EHMT1: variants seen among roughly 807,000 people sequenced by gnomAD.
EHMT1 encodes histone-lysine N-methyltransferase EHMT1.
In EHMT1, 15 loss-of-function variants were observed where a neutral mutation model predicts 147.2. The ratio of observed to expected loss-of-function variants is 0.10; its 90% CI spans 0.07 to 0.16. The LOEUF is 0.16. EHMT1 is among the 10% of genes least tolerant of loss of function. The pLI, the probability that EHMT1 is intolerant of heterozygous loss-of-function variation, is 1.00. For missense variants in EHMT1, 1,587 were observed against 1,772.4 expected (o/e 0.90, Z 1.88); for synonymous variants, 795 against 709.6 (o/e 1.12, Z -1.91).
chr9:137,622,194 C>T (rs1842980518), intron 1 of EHMT1, among the ~76,000 whole-genome samples: 2 of 147,268 alleles, frequency 1.4e-5, no homozygotes, highest in African/African-American at 5.0e-5. Flanking sequence ...TCTTGGCTCA[C>T]TGCAGCCTCC....
intron 4 of EHMT1, among the ~76,000 whole-genome samples, chr9:137,730,736 C>T (rs1185100899): frequency 1.3e-5 from 2 of 152,244 alleles, no homozygotes; most frequent in South Asian, 2.1e-4. Context: ...AGTCCTGGGG[C>T]GTGGGCACCT....
intron 16 of EHMT1, chr9:137,792,227 A>G (rs960695926): frequency 7.9e-6 from 3 of 379,926 alleles, no homozygotes; most frequent in African/African-American, 4.3e-5. Flanking sequence ...ATAGAGACCA[A>G]TGGAATAAAA....
intron 1 of EHMT1, among the ~76,000 whole-genome samples, chr9:137,662,377 T>C (rs1361902061): frequency 6.6e-6 from 1 of 152,132 alleles, no homozygotes; most frequent in Non-Finnish European, 1.5e-5. Flanking sequence ...TTTGTATTTT[T>C]TGTAGAGATG....
intron 6 of EHMT1, chr9:137,745,394 T>G (rs911242368): frequency 1.3e-5 from 5 of 396,194 alleles, no homozygotes. Flanking sequence ...GTTGGAAATA[T>G]TACCATTAGA....
chr9:137,822,227 CTGT>C (rs1955473338), intron 25 of EHMT1, among the ~76,000 whole-genome samples: 1 of 152,228 alleles, frequency 6.6e-6, no homozygotes, highest in East Asian at 1.9e-4. Context: ...TTGTTCCTTT[CTGT>C]TGTTGGACGG....
chr9:137,635,682 T>C (rs570366739), intron 1 of EHMT1, among the ~76,000 whole-genome samples: 48 of 150,850 alleles, frequency 3.2e-4, no homozygotes, highest in Middle Eastern at 6.8e-3. Flanking sequence ...TAGTGGGACG[T>C]GGTGGCGGGC....
intron 1 of EHMT1, among the ~76,000 whole-genome samples, chr9:137,633,253 C>G (rs1843742737): frequency 6.6e-6 from 1 of 151,750 alleles, no homozygotes; most frequent in Non-Finnish European, 1.5e-5. Context: ...ACTCATGCAC[C>G]AAGAAGCAAA....
At chr9:137,669,409 G>A (rs1269657209) in intron 1 of EHMT1, among the ~76,000 whole-genome samples, 1 of 143,922 alleles carries the variant, frequency 6.9e-6, no homozygotes, top group Non-Finnish European at 1.5e-5. Flanking sequence ...CACAGCACGT[G>A]CACTCCACGA....
At chr9:137,632,094 G>C (rs1465735272) in intron 1 of EHMT1, among the ~76,000 whole-genome samples, 2 of 152,230 alleles carry the variant, frequency 1.3e-5, no homozygotes, top group Non-Finnish European at 2.9e-5. Flanking sequence ...TAGGTTTGCA[G>C]AAGTGCACTC....
intron 10 of EHMT1, among the ~76,000 whole-genome samples, chr9:137,768,347 G>GTTTTTT (rs768762232): frequency 4.8e-4 from 44 of 92,512 alleles, no homozygotes; most frequent in African/African-American, 5.3e-4. Context: ...TTTTCTGTGT[G>GTTTTTT]TTTTTTTTTT....
chr9:137,716,505 G>GGTGGTGTCATGGTGGGGGGAGGAAGTT, intron 2 of EHMT1, 121 bp from the exon 3 acceptor site: 3 of 362,532 alleles, frequency 8.3e-6, no homozygotes, highest in Non-Finnish European at 1.5e-5. Context: ...AGGAAGTTGT[G>GGTGGTGTCATGGTGGGGGGAGGAAGTT]GTGGTGTCAT....
At chr9:137,668,895 T>G (rs1043705277) in intron 1 of EHMT1, among the ~76,000 whole-genome samples, 2 of 148,378 alleles carry the variant, frequency 1.3e-5, no homozygotes, top group African/African-American at 4.9e-5. Flanking sequence ...CAAGTTGTTT[T>G]CTTTTTTTGG....
chr9:137,830,868 T>G (rs1956141753), intron 25 of EHMT1, among the ~76,000 whole-genome samples: 1 of 152,238 alleles, frequency 6.6e-6, no homozygotes, highest in Non-Finnish European at 1.5e-5. Flanking sequence ...GTTCTCTGTA[T>G]TCTGTTTCCT....
At chr9:137,762,918 C>T (rs1344269662) in intron 10 of EHMT1, 98 bp downstream of exon 10, 13 of 1,537,268 alleles carry the variant, frequency 8.5e-6, no homozygotes, top group Middle Eastern at 2.2e-4. Flanking sequence ...AGTTGTGCTG[C>T]GTGACCAGGG....
intron 8 of EHMT1, among the ~76,000 whole-genome samples, chr9:137,757,219 C>T (rs1328877866): frequency 1.3e-5 from 2 of 152,256 alleles, no homozygotes; most frequent in Non-Finnish European, 2.9e-5. Flanking sequence ...GGGAAGCCCA[C>T]AGAAGTGTTT....
chr9:137,688,017 A>G (rs1435343357), intron 1 of EHMT1, among the ~76,000 whole-genome samples: 6 of 152,106 alleles, frequency 3.9e-5, no homozygotes, highest in Middle Eastern at 3.4e-3. Flanking sequence ...TTTCTTTAGT[A>G]TTCTTTTTGG....
rs565075848 is a variant in EHMT1 at position 137,731,839 on chromosome 9, G to C, written c.823+3310G>C. ...GGGGCCACTGTGCACAGCCAGGCCT[G>C]CTTGGCTGCTGTGGTGGGGCAGGCA... On this transcript the variant is annotated intron_variant, in intron 4 of 26. Transcript: ENST00000460843. This position sits in a 1 kb window ranked among gnomAD's most constrained non-coding sequence, Gnocchi z 4.3. Among the ~76,000 whole-genome samples the C allele has an allele frequency of 6.6e-6, 1 of 152,232 alleles. No homozygotes were observed. Among genetic ancestry groups the C allele is most frequent in the Admixed American group, 6.5e-5 (1 of 15,288 alleles).
At chr9:137,695,878 A>G (rs1172490554) in intron 1 of EHMT1, among the ~76,000 whole-genome samples, 2 of 152,236 alleles carry the variant, frequency 1.3e-5, no homozygotes, top group Non-Finnish European at 2.9e-5. Context: ...CACATGAGGG[A>G]CTGGCAGATA....
At chr9:137,694,940 A>C (rs954851088) in intron 1 of EHMT1, among the ~76,000 whole-genome samples, 3 of 152,218 alleles carry the variant, frequency 2.0e-5, no homozygotes, top group Non-Finnish European at 4.4e-5. Context: ...TAAGAACGGC[A>C]AGTAGCCGTT....
Sources: gnomAD v4.1 joint callset for allele counts (sites outside exome capture counted in the v4.1 genomes callset) on GRCh38, gnomAD v4.1.1 for gene constraint, Gnocchi (gnomAD v3.1) non-coding constraint, MANE v1.5 for transcripts, NCBI Gene and HGNC (gene_info 2026-07-23, HGNC 2026-07-21) for gene names.